Variants in ANKMY1 observed in about 807,000 individuals in gnomAD.
The protein encoded by ANKMY1 is ankyrin repeat and MYND domain containing 1.
A neutral mutation model predicts 102.0 loss-of-function variants in ANKMY1; 98 were observed. The ratio of observed to expected loss-of-function variants is 0.96; its 90% confidence interval spans 0.82 to 1.14. ANKMY1 has a LOEUF of 1.14. Among genes scored for constraint, ANKMY1 ranks in the 50% most tolerant of loss-of-function variants. The pLI is 0.00. For missense variants in ANKMY1, 1,330 were observed against 1,347.6 expected, an observed-to-expected ratio of 0.99 and a Z score of 0.20; for synonymous variants, 582 against 559.9, an observed-to-expected ratio of 1.04 and a Z score of -0.56.
chr2:240,553,307 TA>T lies in ANKMY1; in HGVS notation c.337-251del. 5.8e-6 allele frequency: 3 copies of T among 514,380 alleles called. No homozygotes were observed. The South Asian group carries it at 6.4e-5, about 11-fold the overall frequency. 31.9% of individuals were successfully genotyped at this position (514,380 alleles called of 1,614,324 possible). On this transcript the variant is annotated intron_variant, in intron 3 of 17. Coordinates refer to ENST00000401804, the MANE Select transcript of ANKMY1 (RefSeq NM_001282771.3). ...TCAGGTGGGGGACTGTGGGGAGGCT[TA>T]AAACTACCTAGACATCCTGAGTCAG...
the ANKMY1 span, among the ~76,000 whole-genome samples, chr2:240,468,898 C>T: frequency 1.3e-5 from 2 of 152,214 alleles, no homozygotes; most frequent in Admixed American, 6.5e-5. Flanking sequence ...ACACAGGCCT[C>T]CCACAAAGCA....
intron 15 of ANKMY1, 27 bp from the exon 16 acceptor site, chr2:240,482,288 T>C (rs763182014): frequency 6.3e-7 from 1 of 1,598,352 alleles, no homozygotes; most frequent in East Asian, 2.3e-5. Flanking sequence ...CCCGCATTAG[T>C]ACCCACGTGG....
At chr2:240,478,499 G>A (rs1162256649), downstream of ANKMY1, among the ~76,000 whole-genome samples, 2 of 152,138 alleles carry the variant, frequency 1.3e-5, no homozygotes, top group Non-Finnish European at 2.9e-5. Context: ...CAGGGAGCCA[G>A]CTCACACAGT....
chr2:240,513,853 G>A (rs982156431), intron 9 of ANKMY1, among the ~76,000 whole-genome samples: 6 of 152,278 alleles, frequency 3.9e-5, no homozygotes, highest in African/African-American at 1.4e-4. Flanking sequence ...ATACCCAGCA[G>A]AGGCATGCAG....
chr2:240,558,099 G>T, upstream of ANKMY1: 1 of 558,730 alleles, frequency 1.8e-6, no homozygotes, highest in African/African-American at 2.0e-5. Flanking sequence ...GGGCGTGCCC[G>T]CCCTCTGTGA....
In ANKMY1 at chr2:240,526,212, G is replaced by C. The variant is rs769626171; in HGVS notation, c.1170+17C>G. 1.4e-5 allele frequency: 23 copies of C among 1,613,786 alleles called. No homozygotes were observed. Among genetic ancestry groups the C allele is most frequent in the Non-Finnish European group, 1.8e-5 (21 of 1,179,982 alleles). On this transcript the variant is annotated intron_variant, in intron 6 of 17. Coordinates refer to ENST00000401804, the MANE Select transcript of ANKMY1 (RefSeq NM_001282771.3). The stretch of plus-strand genomic sequence containing the variant: ...CTAAGCTCCTGCGGGCACCAGCTGG[G>C]AGGGTGTGGGGCTTACAGCAGCCGC...
intron 4 of ANKMY1, among the ~76,000 whole-genome samples, chr2:240,542,503 C>CAAA (rs762420491): frequency 8.5e-6 from 1 of 117,218 alleles, no homozygotes; most frequent in Non-Finnish European, 1.8e-5. Context: ...GACTCCGTCT[C>CAAA]AAAAAAAAAA....
rs562506009 is a variant in ANKMY1, at chr2:240,525,677, G to C, written c.1335+8C>G. On this transcript the variant is annotated splice_region_variant and intron_variant, in intron 7 of 17. Coordinates refer to ENST00000401804, the MANE Select transcript of ANKMY1 (RefSeq NM_001282771.3). ...AGTTGGTGGTGCAGTGGCCACCGGGGGGCTTACCTGGGGCTCAGGTATGGT... is the reference window on the plus strand; with the variant it reads ...AGTTGGTGGTGCAGTGGCCACCGGGCGGCTTACCTGGGGCTCAGGTATGGT... 3.1e-6 allele frequency: 5 copies of C among 1,613,522 alleles called. No individual in the cohort carries two copies. In the East Asian group the frequency reaches 1.1e-4, roughly 36 times the overall value.
At chr2:240,471,201 G>A in the ANKMY1 span, among the ~76,000 whole-genome samples, 1 of 151,900 alleles carries the variant, frequency 6.6e-6, no homozygotes, top group African/African-American at 2.4e-5. Context: ...TTTGTCCACA[G>A]TGAGGAAGTG....
chr2:240,475,583 A>T (rs1009276374), downstream of ANKMY1, among the ~76,000 whole-genome samples: 1 of 151,954 alleles, frequency 6.6e-6, no homozygotes, highest in East Asian at 1.9e-4. Context: ...TCCTCACTTA[A>T]ATTTATTGCT....
intron 4 of ANKMY1, among the ~76,000 whole-genome samples, chr2:240,552,420 G>T (rs1290819909): frequency 6.6e-6 from 1 of 152,134 alleles, no homozygotes. Flanking sequence ...TATTACAAAG[G>T]CCATGGCAAT....
At chr2:240,497,056 AC>A (rs751903520) in intron 15 of ANKMY1, among the ~76,000 whole-genome samples, 5 of 152,010 alleles carry the variant, frequency 3.3e-5, no homozygotes, top group Non-Finnish European at 5.9e-5. Context: ...TTCTGAGTGC[AC>A]CACTTCCTGG....
At chr2:240,522,700 G>A (rs1051756435) in intron 8 of ANKMY1, 1 of 152,218 alleles carries the variant, frequency 6.6e-6, no homozygotes, top group Non-Finnish European at 1.5e-5. Flanking sequence ...ATCAGAACTT[G>A]GCCGTGTGGG....
At chr2:240,526,198 CG>C (rs2083361195) in intron 6 of ANKMY1, 30 bp downstream of exon 6, 1 of 1,612,706 alleles carries the variant, frequency 6.2e-7, no homozygotes, top group Non-Finnish European at 8.5e-7. Flanking sequence ...TAAGCTCCTG[CG>C]GGCACCAGCT....
intron 6 of ANKMY1, 145 bp downstream of exon 6, chr2:240,526,083 TG>T: frequency 9.1e-7 from 1 of 1,099,328 alleles, no homozygotes; most frequent in Middle Eastern, 2.9e-4. Flanking sequence ...GGGTTTCTGC[TG>T]AACGGCGAGG....
intron 15 of ANKMY1, among the ~76,000 whole-genome samples, chr2:240,495,599 T>G (rs2077155503): frequency 6.6e-6 from 1 of 152,150 alleles, no homozygotes; most frequent in Non-Finnish European, 1.5e-5. Context: ...TACCTATCAT[T>G]GGAGATGGCT....
intron 2 of ANKMY1, 181 bp from the exon 3 acceptor site, chr2:240,555,236 C>T: frequency 4.7e-6 from 3 of 638,740 alleles, no homozygotes; most frequent in Non-Finnish European, 5.4e-6. Flanking sequence ...GCAGCGATTG[C>T]CCAAGGCCAC....
intron 4 of ANKMY1, among the ~76,000 whole-genome samples, chr2:240,530,162 G>C (rs1575196886): frequency 6.6e-6 from 1 of 152,306 alleles, no homozygotes; most frequent in East Asian, 1.9e-4. Flanking sequence ...ATCCAGGAGG[G>C]CCTCACAAAA....
chr2:240,497,610 C>A (rs1052362593), intron 15 of ANKMY1, among the ~76,000 whole-genome samples: 6 of 152,310 alleles, frequency 3.9e-5, no homozygotes, highest in South Asian at 2.1e-4. Context: ...CTTCTCCTGT[C>A]TCTCTTTTCT....
Sources: allele counts gnomAD v4.1 joint callset (sites outside exome capture counted in the v4.1 genomes callset), GRCh38; gene constraint gnomAD v4.1.1; transcripts MANE v1.5; gene names NCBI Gene and HGNC (gene_info 2026-07-23, HGNC 2026-07-21).